CCSER1: variants seen among roughly 807,000 people sequenced by gnomAD.
The protein encoded by CCSER1 is coiled-coil serine rich protein 1.
A neutral mutation model predicts 82.0 loss-of-function variants in CCSER1; 41 were observed. The observed-to-expected ratio is 0.50, with a 90% confidence interval of 0.39 to 0.65. CCSER1 has a LOEUF of 0.65. Ranked by LOEUF, CCSER1 falls within the 30% of genes least tolerant of loss-of-function variation. CCSER1 has a pLI of 0.00. For missense variants in CCSER1, 1,119 were observed against 1,064.2 expected (o/e 1.05, Z -0.72); for synonymous variants, 414 against 383.9 (o/e 1.08, Z -0.92).
chr4:91,243,377 G>C (rs1047266227), intron 10 of CCSER1, among the ~76,000 whole-genome samples: 1 of 152,180 alleles, frequency 6.6e-6, no homozygotes, highest in Admixed American at 6.5e-5. Context: ...GTGCTAGTCT[G>C]GGATTAGAGC....
intron 9 of CCSER1, among the ~76,000 whole-genome samples, chr4:90,948,313 A>G (rs1732500620): frequency 6.6e-6 from 1 of 151,816 alleles, no homozygotes; most frequent in Non-Finnish European, 1.5e-5. Flanking sequence ...AAATAAATAT[A>G]TATATGAAAT....
At chr4:91,232,598 T>C (rs932047781) in intron 10 of CCSER1, among the ~76,000 whole-genome samples, 1 of 151,784 alleles carries the variant, frequency 6.6e-6, no homozygotes, top group African/African-American at 2.4e-5. Context: ...AAGAAACATA[T>C]TTTTCATGGT....
intron 10 of CCSER1, among the ~76,000 whole-genome samples, chr4:91,324,768 G>A (rs888990755): frequency 6.6e-6 from 1 of 152,140 alleles, no homozygotes; most frequent in Non-Finnish European, 1.5e-5. Flanking sequence ...AAATCAGCAA[G>A]GTGCCGGACT....
chr4:91,468,050 C>A (rs141493699), intron 10 of CCSER1, among the ~76,000 whole-genome samples: 3,313 of 152,250 alleles, frequency 0.022, 54 homozygotes, highest in Non-Finnish European at 0.032. Context: ...GACACATACA[C>A]ACATATGTTT....
intron 7 of CCSER1, among the ~76,000 whole-genome samples, chr4:90,784,040 T>C (rs140308435): frequency 6.6e-6 from 1 of 152,350 alleles, no homozygotes; most frequent in Non-Finnish European, 1.5e-5. Flanking sequence ...TCACAGAATT[T>C]TTGTTGCTAT....
At chr4:90,268,823 A>T (rs1380953139) in intron 1 of CCSER1, among the ~76,000 whole-genome samples, 1 of 152,118 alleles carries the variant, frequency 6.6e-6, no homozygotes, top group Non-Finnish European at 1.5e-5. Context: ...CTATAAAGAC[A>T]CACCTAGACA....
At chr4:90,329,175 T>C (rs1274554309) in intron 3 of CCSER1, among the ~76,000 whole-genome samples, 1 of 152,164 alleles carries the variant, frequency 6.6e-6, no homozygotes, top group East Asian at 1.9e-4. Flanking sequence ...ATTGGAATAC[T>C]TTTTTGTCAG....
At chr4:90,600,734 A>G (rs75080731) in intron 5 of CCSER1, among the ~76,000 whole-genome samples, 2,109 of 151,942 alleles carry the variant, frequency 0.014, 50 homozygotes, top group African/African-American at 0.049. Context: ...TTTAGAATCA[A>G]TTGATCAATG....
At chr4:91,455,760 C>A (rs1223715361) in intron 10 of CCSER1, among the ~76,000 whole-genome samples, 2 of 151,814 alleles carry the variant, frequency 1.3e-5, no homozygotes, top group Admixed American at 1.3e-4. Context: ...TATTTGGAAG[C>A]AATTGGATTG....
chr4:91,146,946 G>C (rs749776721), intron 10 of CCSER1, among the ~76,000 whole-genome samples: 5 of 152,216 alleles, frequency 3.3e-5, no homozygotes, highest in Non-Finnish European at 2.9e-5. Context: ...CACCAAGTCT[G>C]TTCCTGGGCC....
At chr4:91,287,986 GA>G (rs935167673) in intron 10 of CCSER1, among the ~76,000 whole-genome samples, 1 of 109,090 alleles carries the variant, frequency 9.2e-6, no homozygotes. Context: ...TCTGGTAAAA[GA>G]AAAAAAATAA....
intron 9 of CCSER1, among the ~76,000 whole-genome samples, chr4:91,005,761 T>G (rs553758486): frequency 2.0e-5 from 3 of 152,302 alleles, no homozygotes; most frequent in African/African-American, 7.2e-5. Context: ...TTGTATATGA[T>G]AGGGTTCTAG....
At chr4:90,140,975 T>G (rs1055304048) in intron 1 of CCSER1, among the ~76,000 whole-genome samples, 10 of 151,906 alleles carry the variant, frequency 6.6e-5, no homozygotes, top group African/African-American at 2.2e-4. Flanking sequence ...TTGGTCTACT[T>G]TTTTAGAATG....
At chr4:90,684,666 T>C (rs964004792) in intron 6 of CCSER1, among the ~76,000 whole-genome samples, 9 of 152,210 alleles carry the variant, frequency 5.9e-5, no homozygotes, top group Non-Finnish European at 1.0e-4. Context: ...TGGTTGTTGA[T>C]ATGGTTTGGC....
intron 8 of CCSER1, among the ~76,000 whole-genome samples, chr4:90,867,721 C>T (rs1765923052): frequency 6.6e-6 from 1 of 151,882 alleles, no homozygotes; most frequent in Non-Finnish European, 1.5e-5. Flanking sequence ...CTTTGGTAAC[C>T]ATCATTCCAC....
chr4:91,085,969 T>A lies in CCSER1; in HGVS notation c.2192T>A (p.Leu731Gln), dbSNP rs1304186385. ...LCYDGLNLKR[L>Q]ETVQGGREAT... ...TTTCAGGGTTTAAACTTGAAAAGACTAGAGACAGTACAAGGAGGGAGAGAG... is the reference window on the plus strand; with the variant it reads ...TTTCAGGGTTTAAACTTGAAAAGACAAGAGACAGTACAAGGAGGGAGAGAG... The change falls in exon 10 of 11, where the codon CTA (leucine) becomes CAA (glutamine). Residue 731 changes from leucine (L) to glutamine (Q), a missense_variant. Coordinates refer to ENST00000509176, the MANE Select transcript of CCSER1 (RefSeq NM_001145065.2). 4 of 1,529,820 alleles carry A rather than the reference T, an allele frequency of 2.6e-6. No individual in the cohort carries two copies. In the South Asian group the frequency reaches 4.8e-5, roughly 18 times the overall value. 94.8% of individuals were successfully genotyped at this position (1,529,820 alleles called of 1,614,324 possible).
At chr4:90,779,727 C>G (rs567277159) in intron 7 of CCSER1, among the ~76,000 whole-genome samples, 2 of 152,230 alleles carry the variant, frequency 1.3e-5, no homozygotes, top group South Asian at 4.1e-4. Context: ...TTTTTTGAAG[C>G]TACGGCTTAG....
In CCSER1 at chr4:90,627,763, G is replaced by A. The variant is rs554626784; in HGVS notation, c.1725-262G>A. 8.5e-5 allele frequency among the ~76,000 whole-genome samples: 13 copies of A among 152,070 alleles called. No homozygotes were observed. In the South Asian group the frequency reaches 2.5e-3, roughly 29 times the overall value. On this transcript the variant is annotated intron_variant, in intron 5 of 10. Transcript: ENST00000509176. ...TGAGAGGCCAAGGCAGGCGGATCAC[G>A]AGGTCAGGAGATTGAGACCATCCTG...
At chr4:91,235,561 A>G (rs1413341439) in intron 10 of CCSER1, among the ~76,000 whole-genome samples, 2 of 152,118 alleles carry the variant, frequency 1.3e-5, no homozygotes, top group Non-Finnish European at 2.9e-5. Flanking sequence ...ATGATATATT[A>G]GATTTAAATT....
Sources: allele counts gnomAD v4.1 joint callset (sites outside exome capture counted in the v4.1 genomes callset), GRCh38; gene constraint gnomAD v4.1.1; transcripts MANE v1.5; gene names NCBI Gene and HGNC (gene_info 2026-07-23, HGNC 2026-07-21).